Variants in LINC00237 observed in about 807,000 individuals in gnomAD.
LINC00237 encodes the protein long independently transcribed non-coding RNA 237, also known as long intergenic non-protein coding RNA 237.
rs376707410 is a variant in LINC00237, at chr20:21,103,893, T to C, written n.88+2378A>G. On this transcript the variant is annotated intron_variant and non_coding_transcript_variant, in intron 1 of 3. Coordinates refer to ENST00000691244, the Ensembl canonical transcript of LINC00237. ...GGGGTATAAGACTAACTGTTTTTCCTTTCGCAACTTTGGGAATTGTTAGTC... is the reference window on the plus strand; with the variant it reads ...GGGGTATAAGACTAACTGTTTTTCCCTTCGCAACTTTGGGAATTGTTAGTC... Among the ~76,000 whole-genome samples, 26 of 152,328 alleles carry C rather than the reference T, an allele frequency of 1.7e-4. 1 individual carries two copies. The South Asian group carries it at 5.4e-3, about 32-fold the overall frequency.
chr20:21,099,270 A>G (rs2030899143), intron 1 of LINC00237, among the ~76,000 whole-genome samples: 1 of 152,214 alleles, frequency 6.6e-6, no homozygotes, highest in African/African-American at 2.4e-5. Context: ...TCCAGCCAAA[A>G]TAATTTACCC....
At chr20:21,102,660 G>C (rs1280834139) in intron 1 of LINC00237, among the ~76,000 whole-genome samples, 3 of 137,160 alleles carry the variant, frequency 2.2e-5, no homozygotes, top group Admixed American at 7.8e-5. Flanking sequence ...TGGCACAGAA[G>C]AACGGAGAAC....
intron 1 of LINC00237, among the ~76,000 whole-genome samples, chr20:21,097,103 GC>G (rs2122177196): frequency 6.6e-6 from 1 of 152,304 alleles, no homozygotes; most frequent in African/African-American, 2.4e-5. Flanking sequence ...GAGATATTTT[GC>G]AGTCATCTCT....
intron 1 of LINC00237, among the ~76,000 whole-genome samples, chr20:21,102,421 G>T (rs1372258994): frequency 6.6e-6 from 1 of 152,156 alleles, no homozygotes; most frequent in African/African-American, 2.4e-5. Context: ...GAAGGAGAAA[G>T]ACTCCCACCC....
intron 3 of LINC00237, chr20:21,087,616 A>G (rs1185572646): frequency 1.3e-5 from 2 of 152,170 alleles, no homozygotes; most frequent in South Asian, 4.1e-4. Context: ...AATTTTTGTC[A>G]TTTGGAAAGG....
In LINC00237 at chr20:21,090,085, T is replaced by C. The variant is rs531492571; in HGVS notation, n.473-2055A>G. The C allele has an allele frequency of 2.0e-5, 3 of 152,378 alleles. No homozygotes were observed. In the South Asian group the frequency reaches 6.2e-4, roughly 32 times the overall value. 9.4% of individuals were successfully genotyped at this position (152,378 alleles called of 1,614,324 possible). A position where few individuals can be genotyped will look rare whatever the true frequency, so the allele number is the denominator to read the frequency against. ...TGCGCTGACAGGCAATGCTATGTGA[T>C]ATGTTGGCAAACAATTTTACTGTTT... On this transcript the variant is annotated intron_variant and non_coding_transcript_variant, in intron 2 of 3. Transcript: ENST00000691244.
At chr20:21,104,115 G>A (rs1015457637) in intron 1 of LINC00237, among the ~76,000 whole-genome samples, 1 of 152,030 alleles carries the variant, frequency 6.6e-6, no homozygotes, top group Admixed American at 6.6e-5. Context: ...AATATAATGC[G>A]TCCACCAGGC....
Position 21,101,571 on chromosome 20 carries a change from G to C in LINC00237, n.88+4700C>G, listed in dbSNP as rs914553421. The C allele has an allele frequency of 1.3e-5, 2 of 152,378 alleles. No homozygotes were observed. The highest frequency in any genetic ancestry group is 2.4e-5 in the African/African-American group (1 of 41,458). The allele number at this position is 152,378 out of a possible 1,614,324, so 9.4% of individuals were successfully genotyped here. ...GCAGTCCGCGGCCGCCAGCTCCAGGGGCTCGGGCCCCAGGTTGGAGTAGCC... is the reference window on the plus strand; with the variant it reads ...GCAGTCCGCGGCCGCCAGCTCCAGGCGCTCGGGCCCCAGGTTGGAGTAGCC... On this transcript the variant is annotated intron_variant and non_coding_transcript_variant, in intron 1 of 3. Coordinates refer to ENST00000691244, the Ensembl canonical transcript of LINC00237. The surrounding 1 kb of genome is among the most constrained non-coding windows in gnomAD (Gnocchi z 4.3).
chr20:21,095,176 T>C (rs930255081), intron 1 of LINC00237, among the ~76,000 whole-genome samples: 1 of 152,242 alleles, frequency 6.6e-6, no homozygotes, highest in Non-Finnish European at 1.5e-5. Flanking sequence ...GACTTCTGGT[T>C]GCATAGGCCT....
intron 1 of LINC00237, among the ~76,000 whole-genome samples, chr20:21,095,659 A>T (rs1377676504): frequency 6.6e-6 from 1 of 152,200 alleles, no homozygotes; most frequent in African/African-American, 2.4e-5. Context: ...TCTGGCCCAA[A>T]TAGCTTTATT....
Position 21,101,571 on chromosome 20 carries a change from G to A in LINC00237, n.88+4700C>T, listed in dbSNP as rs914553421. ...GCAGTCCGCGGCCGCCAGCTCCAGG[G>A]GCTCGGGCCCCAGGTTGGAGTAGCC... On this transcript the variant is annotated intron_variant and non_coding_transcript_variant, in intron 1 of 3. Transcript: ENST00000691244. The surrounding 1 kb of genome is among the most constrained non-coding windows in gnomAD (Gnocchi z 4.3). 1 of 152,378 alleles carries A rather than the reference G, an allele frequency of 6.6e-6. No individual in the cohort carries two copies. The highest frequency in any genetic ancestry group is 1.5e-5 in the Non-Finnish European group (1 of 68,192). The allele number at this position is 152,378 out of a possible 1,614,324, so 9.4% of individuals were successfully genotyped here.
At chr20:21,104,378 G>C (rs2030970608) in intron 1 of LINC00237, among the ~76,000 whole-genome samples, 2 of 152,246 alleles carry the variant, frequency 1.3e-5, no homozygotes, top group Non-Finnish European at 2.9e-5. Flanking sequence ...TGGAGCGTCA[G>C]CAGTAATATC....
chr20:21,099,561 C>T (rs1192584956), intron 1 of LINC00237, among the ~76,000 whole-genome samples: 1 of 152,176 alleles, frequency 6.6e-6, no homozygotes, highest in Non-Finnish European at 1.5e-5. Context: ...TCTTCCCCTT[C>T]AGGTCATTCT....
chr20:21,090,560 G>C (rs1397185654), intron 2 of LINC00237: 1 of 152,186 alleles, frequency 6.6e-6, no homozygotes, highest in Non-Finnish European at 1.5e-5. Flanking sequence ...ATAATGTGCG[G>C]ATGAAAAGGT....
chr20:21,096,165 C>A (rs888622070), intron 1 of LINC00237, among the ~76,000 whole-genome samples: 4 of 152,140 alleles, frequency 2.6e-5, no homozygotes, highest in Non-Finnish European at 5.9e-5. Flanking sequence ...AAAGCCAGGA[C>A]GGGGATTACT....
intron 1 of LINC00237, among the ~76,000 whole-genome samples, chr20:21,102,874 G>A (rs2030951629): frequency 6.6e-6 from 1 of 152,134 alleles, no homozygotes; most frequent in Non-Finnish European, 1.5e-5. Flanking sequence ...ACCCCAGCTC[G>A]CCGGTGGCCG....
intron 1 of LINC00237, among the ~76,000 whole-genome samples, chr20:21,105,162 C>A (rs576939124): frequency 6.6e-6 from 1 of 152,208 alleles, no homozygotes; most frequent in Non-Finnish European, 1.5e-5. Context: ...GGTCCCCTTT[C>A]GAATGCCATT....
chr20:21,093,997 A>G (rs2030824053), intron 1 of LINC00237: 1 of 152,210 alleles, frequency 6.6e-6, no homozygotes, highest in South Asian at 2.1e-4. Context: ...ACCCAAAGGA[A>G]TGGTGTGTCA....
chr20:21,098,751 T>G (rs184492443), intron 1 of LINC00237, among the ~76,000 whole-genome samples: 111 of 152,314 alleles, frequency 7.3e-4, no homozygotes, highest in African/African-American at 2.6e-3. Context: ...TGGGAATGTA[T>G]AGACAGAGAG....
Sources: allele counts gnomAD v4.1 joint callset (sites outside exome capture counted in the v4.1 genomes callset), GRCh38; gene constraint gnomAD v4.1.1; non-coding constraint Gnocchi (gnomAD v3.1); transcripts MANE v1.5; gene names NCBI Gene and HGNC (gene_info 2026-07-23, HGNC 2026-07-21).